The following HDAC9 variants were observed in gnomAD, a reference collection of about 807,000 sequenced individuals.
The protein encoded by HDAC9 is MEF-2 interacting transcription repressor (MITR) protein.
In HDAC9, 41 loss-of-function variants were observed where a neutral mutation model predicts 139.4. The ratio of observed to expected loss-of-function variants is 0.29; its 90% CI spans 0.23 to 0.38. The LOEUF (loss-of-function observed/expected upper bound fraction) is 0.38, where lower values mean the gene tolerates loss of function less well. HDAC9 is among the 10% of genes least tolerant of loss of function. HDAC9 has a pLI of 1.00. For missense variants in HDAC9, 1,147 were observed against 1,297.0 expected (o/e 0.88, Z 1.78); for synonymous variants, 517 against 476.2 (o/e 1.09, Z -1.12).
At chr7:18,146,049 A>G (rs567708410) in intron 1 of HDAC9, among the ~76,000 whole-genome samples, 28 of 152,290 alleles carry the variant, frequency 1.8e-4, no homozygotes, top group African/African-American at 6.3e-4. Context: ...ATTGGTTGGG[A>G]AAAAAAGGAA....
intron 12 of HDAC9, among the ~76,000 whole-genome samples, chr7:18,677,859 C>A (rs1781623129): frequency 6.6e-6 from 1 of 151,876 alleles, no homozygotes; most frequent in Non-Finnish European, 1.5e-5. Flanking sequence ...TTGATGTGTT[C>A]CATTCTATCA....
upstream of HDAC9, among the ~76,000 whole-genome samples, chr7:18,286,029 C>G (rs1026294909): frequency 6.6e-6 from 1 of 152,016 alleles, no homozygotes; most frequent in African/African-American, 2.4e-5. Context: ...AATTTTCAAA[C>G]CTGTAAACAT....
chr7:18,381,552 A>G (rs1355431936), intron 1 of HDAC9, among the ~76,000 whole-genome samples: 1 of 152,118 alleles, frequency 6.6e-6, no homozygotes, highest in Non-Finnish European at 1.5e-5. Context: ...AAATATCATA[A>G]TGTATGGCAT....
intron 1 of HDAC9, among the ~76,000 whole-genome samples, chr7:18,392,250 C>G (rs1562945792): frequency 6.6e-6 from 1 of 151,538 alleles, no homozygotes; most frequent in Middle Eastern, 3.2e-3. Flanking sequence ...ATTATACATT[C>G]TCTTTCTATC....
chr7:18,902,638 T>C (rs1037684932), intron 22 of HDAC9, among the ~76,000 whole-genome samples: 1 of 152,186 alleles, frequency 6.6e-6, no homozygotes, highest in Non-Finnish European at 1.5e-5. Flanking sequence ...GGGGAAATGA[T>C]TGAATGAACT....
chr7:18,854,959 T>G (rs1797567769), intron 21 of HDAC9, among the ~76,000 whole-genome samples: 1 of 152,130 alleles, frequency 6.6e-6, no homozygotes, highest in Non-Finnish European at 1.5e-5. Context: ...GTTGTTATTG[T>G]TAAATGTTTT....
intron 2 of HDAC9, among the ~76,000 whole-genome samples, chr7:18,178,379 C>T (rs1755076427): frequency 1.3e-5 from 2 of 152,220 alleles, no homozygotes; most frequent in South Asian, 4.1e-4. Context: ...GCCACTGCAC[C>T]CGGCCCCCCT....
At chr7:18,945,686 G>C (rs550397462) in intron 23 of HDAC9, among the ~76,000 whole-genome samples, 1 of 152,226 alleles carries the variant, frequency 6.6e-6, no homozygotes, top group South Asian at 2.1e-4. Context: ...ATAATATAGA[G>C]GTCAGGTTTG....
At chr7:18,142,021 T>C (rs79796185) in intron 1 of HDAC9, among the ~76,000 whole-genome samples, 2,054 of 152,276 alleles carry the variant, frequency 0.013, 18 homozygotes, top group Non-Finnish European at 0.022. Context: ...GAATTGACCC[T>C]AGTCCTTTAT....
At chr7:18,361,071 A>G (rs964244243) in intron 1 of HDAC9, among the ~76,000 whole-genome samples, 2 of 152,172 alleles carry the variant, frequency 1.3e-5, no homozygotes, top group African/African-American at 4.8e-5. Context: ...TCTGAGAATT[A>G]TAAGAAAGTG....
intron 12 of HDAC9, among the ~76,000 whole-genome samples, chr7:18,693,024 A>C (rs1485622074): frequency 6.6e-6 from 1 of 152,102 alleles, no homozygotes; most frequent in Non-Finnish European, 1.5e-5. Flanking sequence ...TGATAAATTT[A>C]AATAACATAA....
chr7:18,805,048 C>T (rs1396918284), intron 17 of HDAC9, among the ~76,000 whole-genome samples: 3 of 152,180 alleles, frequency 2.0e-5, no homozygotes, highest in African/African-American at 7.2e-5. Context: ...CTGCCTGCCT[C>T]GGCCTCCCGA....
intron 6 of HDAC9, among the ~76,000 whole-genome samples, chr7:18,626,311 CT>C (rs1841706877): frequency 6.6e-6 from 1 of 152,090 alleles, no homozygotes; most frequent in Non-Finnish European, 1.5e-5. Flanking sequence ...CTCCTTAATT[CT>C]TTGGCCACCA....
chr7:18,524,357 A>C (rs1355672592), intron 2 of HDAC9, among the ~76,000 whole-genome samples: 3 of 152,096 alleles, frequency 2.0e-5, no homozygotes, highest in African/African-American at 7.2e-5. Flanking sequence ...TAAATTTCAG[A>C]TGTGGGTTAT....
Position 18,293,307 on chromosome 7 carries a change from TC to T in HDAC9, c.-42+2793del, listed in dbSNP as rs1797935224. ...TCACTGTTATGTCACATTCTTAGATTCTTTTTTTTTTTTATTATACTTTAAG... is the reference window on the plus strand; with the variant it reads ...TCACTGTTATGTCACATTCTTAGATTTTTTTTTTTTTTATTATACTTTAAG... On this transcript the variant is annotated intron_variant, in intron 1 of 3. Coordinates refer to the HDAC9 transcript ENST00000413509. Among the ~76,000 whole-genome samples, 4 of 101,320 alleles carry T rather than the reference TC, an allele frequency of 3.9e-5. No homozygotes were observed. The South Asian group carries it at 1.1e-3, about 27-fold the overall frequency. The allele number at this position is 101,320 out of a possible 152,430, so 66.5% of individuals were successfully genotyped here. A position where few individuals can be genotyped will look rare whatever the true frequency, so the allele number is the denominator to read the frequency against.
chr7:18,892,607 A>C (rs1375700154), intron 22 of HDAC9: 1 of 152,162 alleles, frequency 6.6e-6, no homozygotes, highest in Non-Finnish European at 1.5e-5. Context: ...TATGGAGAGC[A>C]TAACTCTTCC....
At chr7:18,553,103 T>C (rs1185918368) in intron 2 of HDAC9, among the ~76,000 whole-genome samples, 2 of 152,110 alleles carry the variant, frequency 1.3e-5, no homozygotes, top group Admixed American at 1.3e-4. Context: ...GTGTGCACCT[T>C]TGTGTGTATT....
chr7:18,450,993 C>A (rs1239337341), intron 1 of HDAC9, among the ~76,000 whole-genome samples: 1 of 152,042 alleles, frequency 6.6e-6, no homozygotes, highest in Non-Finnish European at 1.5e-5. Context: ...CATATACATA[C>A]CGCTGTGGTC....
intron 1 of HDAC9, among the ~76,000 whole-genome samples, chr7:18,456,825 T>A (rs1244871391): frequency 6.6e-6 from 1 of 152,226 alleles, no homozygotes; most frequent in Non-Finnish European, 1.5e-5. Context: ...AAATTGAATA[T>A]GCAGTGATGT....
Sources: gnomAD v4.1 joint callset for allele counts (sites outside exome capture counted in the v4.1 genomes callset) on GRCh38, gnomAD v4.1.1 for gene constraint, MANE v1.5 for transcripts, NCBI Gene and HGNC (gene_info 2026-07-23, HGNC 2026-07-21) for gene names.